The following EGFR variants were observed in gnomAD, a reference collection of about 807,000 sequenced individuals.
The protein encoded by EGFR is avian erythroblastic leukemia viral (v-erb-b) oncogene homolog.
A neutral mutation model predicts 143.0 loss-of-function variants in EGFR; 58 were observed. That is an observed-to-expected ratio of 0.41 (90% CI 0.33 to 0.50). EGFR has a LOEUF of 0.50. EGFR is among the 20% of genes least tolerant of loss of function. EGFR has a pLI of 0.39. For synonymous variants in EGFR, 613 were observed against 594.4 expected (o/e 1.03, Z -0.45); for missense variants, 1,307 against 1,579.0 (o/e 0.83, Z 2.92).
At position 55,183,368 on chromosome 7, in the gene EGFR, T is replaced by C. The variant is rs577135290; in HGVS notation, c.2469+1890T>C. Among the ~76,000 whole-genome samples, 4 of 152,284 alleles carry C rather than the reference T, an allele frequency of 2.6e-5. No homozygotes were observed. In the South Asian group the frequency reaches 6.2e-4, roughly 24 times the overall value. ...AAACAAACATTGCACTCCATAAATA[T>C]ATATATTAAAAAAGATCCCAGTCAT... On this transcript the variant is annotated intron_variant, in intron 20 of 27. Transcript: ENST00000275493.
intron 1 of EGFR, chr7:55,043,777 C>T (rs972772784): frequency 6.6e-6 from 1 of 152,276 alleles, no homozygotes; most frequent in African/African-American, 2.4e-5. Flanking sequence ...ACTTATCTAT[C>T]TTCTTTAAAA....
rs17289914 is a variant in EGFR, at chr7:55,156,247, A to C, written c.1007-286A>C. ...CAGAGCTGGAAGCAGTGCAGCTCCAAGCGGCCCATGGGAAATAATGAGGAG... is the reference window on the plus strand; with the variant it reads ...CAGAGCTGGAAGCAGTGCAGCTCCACGCGGCCCATGGGAAATAATGAGGAG... On this transcript the variant is annotated intron_variant, in intron 8 of 27. Transcript: ENST00000275493. 3.0e-4 allele frequency among the ~76,000 whole-genome samples: 45 copies of C among 152,292 alleles called. 1 individual carries two copies. In the South Asian group the frequency reaches 8.5e-3, roughly 29 times the overall value.
chr7:55,019,337 G>T lies in EGFR; in HGVS notation c.60G>T (p.Pro20=). The change falls in exon 1 of 28, where the codon CCG becomes CCT. Residue 20 remains proline (P), a synonymous_variant. Transcript: ENST00000275493. The stretch of plus-strand genomic sequence containing the variant: ...TGGCGCTGCTGGCTGCGCTCTGCCC[G>T]GCGAGTCGGGCTCTGGAGGAAAAGA... ...ALLALLAALC[P]ASRALEEKKV... 6.6e-7 allele frequency: 1 copy of T among 1,517,248 alleles called. No homozygotes were observed. The highest frequency in any genetic ancestry group is 8.9e-7 in the Non-Finnish European group (1 of 1,128,094). The allele number at this position is 1,517,248 out of a possible 1,614,324, so 94.0% of individuals were successfully genotyped here.
At chr7:55,158,969 C>T (rs956029488) in intron 11 of EGFR, among the ~76,000 whole-genome samples, 6 of 152,250 alleles carry the variant, frequency 3.9e-5, no homozygotes, top group Admixed American at 3.3e-4. Flanking sequence ...TGCCATCCAA[C>T]ACCTGAACAT....
chr7:55,189,054 G>A (rs923583905), intron 20 of EGFR: 3 of 152,040 alleles, frequency 2.0e-5, no homozygotes, highest in African/African-American at 4.8e-5. Flanking sequence ...CCAGAGGCAC[G>A]GGACCAAGGT....
intron 1 of EGFR, among the ~76,000 whole-genome samples, chr7:55,124,157 G>A (rs764955801): frequency 6.6e-6 from 1 of 152,186 alleles, no homozygotes; most frequent in Non-Finnish European, 1.5e-5. Context: ...TATCAGTCAT[G>A]GTTTTAAAAT....
intron 20 of EGFR, among the ~76,000 whole-genome samples, chr7:55,183,310 G>C (rs1786978842): frequency 1.3e-5 from 2 of 152,126 alleles, no homozygotes; most frequent in Non-Finnish European, 2.9e-5. Context: ...TAATTAGTTT[G>C]ATTTGATCAC....
chr7:55,158,941 G>C (rs1335716510), intron 11 of EGFR, among the ~76,000 whole-genome samples: 1 of 152,238 alleles, frequency 6.6e-6, no homozygotes, highest in Non-Finnish European at 1.5e-5. Context: ...GAAGCCTCTG[G>C]ATGATACTCT....
intron 20 of EGFR, among the ~76,000 whole-genome samples, chr7:55,184,710 G>A (rs1787054385): frequency 6.6e-6 from 1 of 152,048 alleles, no homozygotes; most frequent in Non-Finnish European, 1.5e-5. Context: ...TTTACATTAC[G>A]GGCAGTTAAC....
In EGFR at chr7:55,052,522, C is replaced by G. The variant is rs896636604; in HGVS notation, c.88+33157C>G. Among the ~76,000 whole-genome samples, 5 of 152,322 alleles carry G rather than the reference C, an allele frequency of 3.3e-5. No individual in the cohort carries two copies. The East Asian group carries it at 9.6e-4, about 29-fold the overall frequency. On this transcript the variant is annotated intron_variant, in intron 1 of 27. Transcript: ENST00000275493. Reference sequence around the variant, plus strand: ...AACAGTGATAATAATCATGAGTGAGCCCCTGCCCGTGCTGGCTGTGTCCTG... The same window carrying G: ...AACAGTGATAATAATCATGAGTGAGGCCCTGCCCGTGCTGGCTGTGTCCTG...
At chr7:55,031,891 C>A (rs750413448) in intron 1 of EGFR, among the ~76,000 whole-genome samples, 2 of 152,118 alleles carry the variant, frequency 1.3e-5, no homozygotes, top group Non-Finnish European at 1.5e-5. Context: ...AGACATTGGG[C>A]ACTCTTTTTC....
chr7:55,088,945 A>G (rs1790934093), intron 1 of EGFR, among the ~76,000 whole-genome samples: 1 of 152,240 alleles, frequency 6.6e-6, no homozygotes, highest in African/African-American at 2.4e-5. Context: ...TGTAAAAAGT[A>G]TAATGATTTC....
At chr7:55,045,717 A>C (rs1348305270) in intron 1 of EGFR, among the ~76,000 whole-genome samples, 2 of 152,228 alleles carry the variant, frequency 1.3e-5, no homozygotes, top group East Asian at 1.9e-4. Context: ...GTGAAAAGTG[A>C]AAAGTGCCTG....
At chr7:55,034,478 G>A (rs1166197264) in intron 1 of EGFR, among the ~76,000 whole-genome samples, 1 of 152,136 alleles carries the variant, frequency 6.6e-6, no homozygotes, top group Non-Finnish European at 1.5e-5. Flanking sequence ...AATTAACTGA[G>A]CTACTGCAGG....
At chr7:55,196,554 T>G (rs1365618027) in intron 22 of EGFR, among the ~76,000 whole-genome samples, 1 of 152,322 alleles carries the variant, frequency 6.6e-6, no homozygotes, top group Admixed American at 6.5e-5. Flanking sequence ...TTTGCTTTTG[T>G]TGCAATTGCT....
chr7:55,031,701 A>C (rs17335759), intron 1 of EGFR, among the ~76,000 whole-genome samples: 7,135 of 152,312 alleles, frequency 0.047, 262 homozygotes, highest in African/African-American at 0.1. Flanking sequence ...CAAGACATTC[A>C]AACTATAGCC....
chr7:55,078,111 A>G (rs1312003937), intron 1 of EGFR, among the ~76,000 whole-genome samples: 1 of 152,134 alleles, frequency 6.6e-6, no homozygotes, highest in African/African-American at 2.4e-5. Context: ...GGCACTGTGC[A>G]GGGTTTGCTC....
intron 1 of EGFR, among the ~76,000 whole-genome samples, chr7:55,040,243 G>T (rs555645763): frequency 3.3e-5 from 5 of 152,276 alleles, no homozygotes; most frequent in African/African-American, 1.2e-4. Context: ...ATGAAAAGTG[G>T]ATTATGCCTC....
At chr7:55,189,166 A>C (rs372980332) in intron 20 of EGFR, among the ~76,000 whole-genome samples, 1 of 152,064 alleles carries the variant, frequency 6.6e-6, no homozygotes, top group African/African-American at 2.4e-5. Flanking sequence ...ACATATGCAT[A>C]TATATAAAAC....
Sources: allele counts gnomAD v4.1 joint callset (sites outside exome capture counted in the v4.1 genomes callset), GRCh38; gene constraint gnomAD v4.1.1; transcripts MANE v1.5; gene names NCBI Gene and HGNC (gene_info 2026-07-23, HGNC 2026-07-21).